The following DNAJC21 variants were observed in gnomAD, a reference collection of about 807,000 sequenced individuals.
DNAJC21 encodes dnaJ homolog subfamily C member 21.
DNAJC21 carries 63 observed loss-of-function variants against 72.4 expected under a neutral mutation model. The observed-to-expected ratio is 0.87, with a 90% CI of 0.71 to 1.07. DNAJC21 has a LOEUF of 1.07. DNAJC21 is among the 50% of genes least tolerant of loss of function. DNAJC21 has a pLI of 0.00. For synonymous variants in DNAJC21, 203 were observed against 216.7 expected (o/e 0.94, Z 0.56); for missense variants, 634 against 644.8 (o/e 0.98, Z 0.18).
chr5:34,951,140 G>A (rs1765351764), intron 10 of DNAJC21: 3 of 985,498 alleles, frequency 3.0e-6, no homozygotes, highest in Non-Finnish European at 3.6e-6. Flanking sequence ...GGAAACAGAT[G>A]TGGGTGAGAC....
Position 34,956,187 on chromosome 5 carries a change from T to TA in DNAJC21, c.*1474dup, listed in dbSNP as rs1561195711. ...TTAACGAAATGAACAAATTTTCGGT[T>TA]ACAGATCAGCTCTCAAACACTAAAG... On this transcript the variant is annotated 3_prime_UTR_variant, in exon 12 of 12. Coordinates refer to ENST00000648817, the MANE Select transcript of DNAJC21 (RefSeq NM_001012339.3). 6.6e-6 allele frequency: 1 copy of TA among 152,632 alleles called. No individual in the cohort carries two copies. The highest frequency in any genetic ancestry group is 6.5e-5 in the Admixed American group (1 of 15,286). The allele number at this position is 152,632 out of a possible 1,614,324, so 9.5% of individuals were successfully genotyped here. A position where few individuals can be genotyped will look rare whatever the true frequency, so the allele number is the denominator to read the frequency against.
chr5:34,938,965 A>G lies in DNAJC21; in HGVS notation c.851A>G (p.Asp284Gly), dbSNP rs1561184468. 1.2e-6 allele frequency: 2 copies of G among 1,613,672 alleles called. No individual in the cohort carries two copies. The highest frequency in any genetic ancestry group is 1.7e-6 in the Non-Finnish European group (2 of 1,179,762). ...GAGAAGGAGTTTGGAGATGGATCGG[A>G]TGAAAATGAAATGGAAGAACATGAA... ...RYEKEFGDGS[D>G]ENEMEEHELK... is the part of the protein sequence containing the mutation. The change falls in exon 6 of 12, where the codon GAT (aspartate) becomes GGT (glycine). Residue 284 changes from aspartate to glycine, a missense_variant. Coordinates refer to ENST00000648817, the MANE Select transcript of DNAJC21 (RefSeq NM_001012339.3).
intron 9 of DNAJC21, chr5:34,949,504 G>T: frequency 6.4e-7 from 1 of 1,551,198 alleles, no homozygotes; most frequent in African/African-American, 1.4e-5. Flanking sequence ...TTAGATTCTT[G>T]AGTGTGAGTA....
intron 10 of DNAJC21, chr5:34,952,381 C>A: frequency 4.3e-6 from 2 of 463,044 alleles, no homozygotes; most frequent in African/African-American, 2.1e-5. Flanking sequence ...ATATGTTACA[C>A]TCCTAATCTG....
chr5:34,930,271 T>C (rs113372911), intron 1 of DNAJC21: 10,168 of 168,226 alleles, frequency 0.06, 416 homozygotes, highest in South Asian at 0.12. Flanking sequence ...CCAGGCTTGC[T>C]TTTCCCTGCG....
At chr5:34,937,244 A>T in intron 4 of DNAJC21, 82 bp from the exon 5 acceptor site, 2 of 1,385,564 alleles carry the variant, frequency 1.4e-6, no homozygotes, top group South Asian at 2.9e-5. Context: ...AAGGTAAAAG[A>T]TGTTTCGCAT....
intron 10 of DNAJC21, chr5:34,953,600 A>T (rs1316258098): frequency 5.4e-6 from 1 of 185,420 alleles, no homozygotes; most frequent in Admixed American, 6.2e-5. Context: ...CATTCTGTAT[A>T]AAACACTGTA....
chr5:34,937,705 T>A, intron 5 of DNAJC21, 75 bp downstream of exon 5: 2 of 1,496,686 alleles, frequency 1.3e-6, no homozygotes, highest in Non-Finnish European at 1.8e-6. Flanking sequence ...CCTTACATGT[T>A]CATGTTGGGT....
At chr5:34,931,912 C>T (rs1038419400) in intron 1 of DNAJC21, among the ~76,000 whole-genome samples, 7 of 152,170 alleles carry the variant, frequency 4.6e-5, no homozygotes, top group Admixed American at 3.3e-4. Flanking sequence ...CAGTTAACTC[C>T]TTTGAAACCA....
chr5:34,952,155 T>C (rs1199435928), intron 10 of DNAJC21: 14 of 943,166 alleles, frequency 1.5e-5, no homozygotes, highest in Non-Finnish European at 1.8e-5. Context: ...GTGTGTATAG[T>C]ATTTTTAAAA....
At chr5:34,941,560 CTTTTTT>C (rs765889955) in intron 7 of DNAJC21, among the ~76,000 whole-genome samples, 40 of 76,110 alleles carry the variant, frequency 5.3e-4, no homozygotes, top group African/African-American at 1.8e-3. Context: ...CTTGTGTTTT[CTTTTTT>C]TTTTTTTTTT....
At position 34,956,321 on chromosome 5, in the gene DNAJC21, T is replaced by A. The variant is rs1433803824; in HGVS notation, c.*1607T>A. 1.3e-5 allele frequency: 2 copies of A among 152,496 alleles called. No individual in the cohort carries two copies. The highest frequency in any genetic ancestry group is 2.9e-5 in the Non-Finnish European group (2 of 68,046). The allele number at this position is 152,496 out of a possible 1,614,324, so 9.4% of individuals were successfully genotyped here. A position where few individuals can be genotyped will look rare whatever the true frequency, so the allele number is the denominator to read the frequency against. On this transcript the variant is annotated 3_prime_UTR_variant, in exon 12 of 12. Coordinates refer to ENST00000648817, the MANE Select transcript of DNAJC21 (RefSeq NM_001012339.3). ...GCATTTGAACCTTAATTTAAATTCT[T>A]TTCTTTTCCATTTAGAGATATGTTT... is the stretch of plus-strand genomic sequence containing the variant.
chr5:34,954,264 A>G (rs1322742922), intron 11 of DNAJC21: 4 of 469,118 alleles, frequency 8.5e-6, no homozygotes, highest in Non-Finnish European at 1.1e-5. Context: ...GATAAGAATT[A>G]CATGTGTCAA....
In DNAJC21 at chr5:34,938,846, G is replaced by T. The variant is rs1484446896; in HGVS notation, c.744-12G>T. The T allele has an allele frequency of 6.2e-7, 1 of 1,601,544 alleles. No individual in the cohort carries two copies. Among genetic ancestry groups the T allele is most frequent in the African/African-American group, 1.3e-5 (1 of 74,242 alleles). On this transcript the variant is annotated splice_polypyrimidine_tract_variant and intron_variant, in intron 5 of 11. Coordinates refer to ENST00000648817, the MANE Select transcript of DNAJC21 (RefSeq NM_001012339.3). ...GTGCTTGTCGCTGTGAGACTGTGCT[G>T]TATGTGTCTAGACTGGTGGAGCAGT... is the stretch of plus-strand genomic sequence containing the variant.
rs1417400559 is a variant in DNAJC21, at chr5:34,956,150, T to TG, written c.*1437dup. ...GAAGTTATTGCTTTCCATATATCCT[T>TG]GAATCTTCAGATTAACGAAATGAAC... On this transcript the variant is annotated 3_prime_UTR_variant, in exon 12 of 12. Transcript: ENST00000648817. 1 of 152,590 alleles carries TG rather than the reference T, an allele frequency of 6.6e-6. No individual in the cohort carries two copies. Among genetic ancestry groups the TG allele is most frequent in the East Asian group, 1.9e-4 (1 of 5,198 alleles). 9.5% of individuals were successfully genotyped at this position (152,590 alleles called of 1,614,324 possible).
At chr5:34,933,587 T>C (rs1048096505) in intron 1 of DNAJC21, among the ~76,000 whole-genome samples, 3 of 152,164 alleles carry the variant, frequency 2.0e-5, no homozygotes, top group African/African-American at 7.2e-5. Context: ...CCCAGTTGAC[T>C]GTTTAGTGAT....
At position 34,955,903 on chromosome 5, in the gene DNAJC21, A is replaced by C. The variant is rs1038317633; in HGVS notation, c.*1189A>C. ...CCCGTCTCTACTAAAAATACAAAAA[A>C]TTAGCCGGGCGTAGTGGCGGGCGCC... is the stretch of plus-strand genomic sequence containing the variant. On this transcript the variant is annotated 3_prime_UTR_variant, in exon 12 of 12. Coordinates refer to ENST00000648817, the MANE Select transcript of DNAJC21 (RefSeq NM_001012339.3). 2 of 150,326 alleles carry C rather than the reference A, an allele frequency of 1.3e-5. No homozygotes were observed. Among genetic ancestry groups the C allele is most frequent in the African/African-American group, 4.9e-5 (2 of 40,820 alleles). 9.3% of individuals were successfully genotyped at this position (150,326 alleles called of 1,614,324 possible).
intron 4 of DNAJC21, among the ~76,000 whole-genome samples, chr5:34,936,540 G>A (rs1168545123): frequency 6.6e-6 from 1 of 152,050 alleles, no homozygotes; most frequent in East Asian, 1.9e-4. Flanking sequence ...GGCTGATCTT[G>A]AACTCCTGGC....
chr5:34,938,101 A>G (rs1383364727), intron 5 of DNAJC21, among the ~76,000 whole-genome samples: 1 of 152,142 alleles, frequency 6.6e-6, no homozygotes, highest in East Asian at 1.9e-4. Flanking sequence ...CCTGGCCTAA[A>G]ATTTTTATTT....
Sources: allele counts gnomAD v4.1 joint callset (sites outside exome capture counted in the v4.1 genomes callset), GRCh38; gene constraint gnomAD v4.1.1; transcripts MANE v1.5; gene names NCBI Gene and HGNC (gene_info 2026-07-23, HGNC 2026-07-21).